The following PTPRT variants were observed in gnomAD, a reference collection of about 807,000 sequenced individuals.
PTPRT encodes protein tyrosine phosphatase receptor type T.
In PTPRT, 56 loss-of-function variants were observed where a neutral mutation model predicts 176.8. The observed-to-expected ratio is 0.32, with a 90% CI of 0.26 to 0.40. The LOEUF is 0.40. Among genes scored for constraint, PTPRT ranks in the 10% least tolerant of loss-of-function variants. The probability of loss-of-function intolerance (pLI) is 1.00; values close to 1 mark genes in which losing one functional copy is unlikely to be tolerated. For synonymous variants in PTPRT, 783 were observed against 739.0 expected, an observed-to-expected ratio of 1.06 and a Z score of -0.96; for missense variants, 1,540 against 1,908.2, an observed-to-expected ratio of 0.81 and a Z score of 3.60.
chr20:42,482,048 A>C (rs991988517), intron 7 of PTPRT, among the ~76,000 whole-genome samples: 2 of 152,136 alleles, frequency 1.3e-5, no homozygotes, highest in Non-Finnish European at 2.9e-5. Flanking sequence ...CCAACAATGT[A>C]ATATTTAGTC....
chr20:42,394,775 T>G (rs568809204), intron 9 of PTPRT, among the ~76,000 whole-genome samples: 25 of 152,282 alleles, frequency 1.6e-4, no homozygotes, highest in Non-Finnish European at 4.4e-5. Context: ...CATTGAATCA[T>G]TATTTGTTCA....
At chr20:42,813,979 C>T (rs2077739806) in intron 2 of PTPRT, among the ~76,000 whole-genome samples, 1 of 152,142 alleles carries the variant, frequency 6.6e-6, no homozygotes, top group South Asian at 2.1e-4. Flanking sequence ...TTTATACCCC[C>T]ATCCCGGCCC....
intron 7 of PTPRT, among the ~76,000 whole-genome samples, chr20:42,664,807 T>C (rs2075284549): frequency 6.6e-6 from 1 of 152,094 alleles, no homozygotes; most frequent in Admixed American, 6.5e-5. Flanking sequence ...TCTACAACTA[T>C]CTGATCTTTG....
chr20:42,409,131 G>A (rs2058988555), intron 9 of PTPRT, among the ~76,000 whole-genome samples: 1 of 152,106 alleles, frequency 6.6e-6, no homozygotes, highest in Admixed American at 6.5e-5. Context: ...TCCTGAAATA[G>A]TTATACCATT....
intron 6 of PTPRT, among the ~76,000 whole-genome samples, chr20:42,724,914 C>T (rs955674412): frequency 8.5e-5 from 13 of 152,114 alleles, no homozygotes; most frequent in African/African-American, 2.9e-4. Flanking sequence ...AATTTGCCCA[C>T]CTCAAAATCC....
intron 7 of PTPRT, among the ~76,000 whole-genome samples, chr20:42,588,515 T>C (rs912772629): frequency 6.6e-6 from 1 of 152,074 alleles, no homozygotes; most frequent in Non-Finnish European, 1.5e-5. Context: ...AGCTCTGCTA[T>C]AAGGAACACA....
chr20:42,075,433 T>A lies in PTPRT; in HGVS notation c.*5446A>T, dbSNP rs1407849686. 4.4e-6 allele frequency: 1 copy of A among 226,104 alleles called. No homozygotes were observed. The highest frequency in any genetic ancestry group is 2.2e-5 in the African/African-American group (1 of 44,974). The allele number at this position is 226,104 out of a possible 1,614,324, so 14.0% of individuals were successfully genotyped here. The stretch of plus-strand genomic sequence containing the variant: ...CTTAGGAACAGCGTCCTGTTCATGC[T>A]TCCTCTTGGGCTCACCCATGTCTTC... On this transcript the variant is annotated 3_prime_UTR_variant, in exon 31 of 31. Transcript: ENST00000373187.
At chr20:42,430,740 AG>A (rs1478490577) in intron 9 of PTPRT, among the ~76,000 whole-genome samples, 1 of 152,208 alleles carries the variant, frequency 6.6e-6, no homozygotes, top group Non-Finnish European at 1.5e-5. Flanking sequence ...ATGAGGCAAG[AG>A]TGTCTCCAGC....
At chr20:43,183,429 T>G (rs2015314986) in intron 1 of PTPRT, among the ~76,000 whole-genome samples, 1 of 152,198 alleles carries the variant, frequency 6.6e-6, no homozygotes, top group Non-Finnish European at 1.5e-5. Context: ...AGCACTGAAG[T>G]AACTTATCAA....
chr20:42,718,343 C>A (rs752116679), intron 6 of PTPRT, among the ~76,000 whole-genome samples: 16 of 152,140 alleles, frequency 1.1e-4, no homozygotes, highest in Non-Finnish European at 1.8e-4. Context: ...CAAGACCATA[C>A]TGGCTAACAC....
In PTPRT at chr20:42,617,326, C is replaced by CTGGATT. The variant is rs1447979022; in HGVS notation, c.1153+60534_1153+60539dup. 2.9e-5 allele frequency among the ~76,000 whole-genome samples: 4 copies of CTGGATT among 136,716 alleles called. 1 individual carries two copies. The highest frequency in any genetic ancestry group is 9.7e-5 in the African/African-American group (3 of 30,772). 89.7% of individuals were successfully genotyped at this position (136,716 alleles called of 152,430 possible). A position where few individuals can be genotyped will look rare whatever the true frequency, so the allele number is the denominator to read the frequency against. On this transcript the variant is annotated intron_variant, in intron 7 of 30. Coordinates refer to ENST00000373187, the MANE Select transcript of PTPRT (RefSeq NM_007050.6). Reference sequence around the variant, plus strand: ...GGTGGATAAGCTTTTTGATGTGCTGCTGGATTCGGTTTGCCAGTATTTTAT... The same window carrying CTGGATT: ...GGTGGATAAGCTTTTTGATGTGCTGCTGGATTTGGATTCGGTTTGCCAGTATTTTAT...
At chr20:42,417,320 C>A (rs905452179) in intron 9 of PTPRT, among the ~76,000 whole-genome samples, 3 of 152,112 alleles carry the variant, frequency 2.0e-5, no homozygotes, top group African/African-American at 7.2e-5. Context: ...ACCTGGCTTT[C>A]TTGGATTTTA....
intron 1 of PTPRT, among the ~76,000 whole-genome samples, chr20:43,001,609 G>C (rs1305728034): frequency 6.6e-6 from 1 of 151,724 alleles, no homozygotes; most frequent in East Asian, 1.9e-4. Flanking sequence ...ACATTTATCA[G>C]GAAGAAGACT....
intron 1 of PTPRT, among the ~76,000 whole-genome samples, chr20:42,925,403 G>C (rs1036596412): frequency 1.3e-5 from 2 of 152,144 alleles, no homozygotes; most frequent in South Asian, 4.1e-4. Flanking sequence ...TCTGACCCTA[G>C]AACATGGTTC....
intron 6 of PTPRT, among the ~76,000 whole-genome samples, chr20:42,711,968 A>G (rs1048293188): frequency 2.0e-5 from 3 of 151,970 alleles, no homozygotes; most frequent in African/African-American, 7.3e-5. Flanking sequence ...CACTGTGGAA[A>G]CTTCCCTCTG....
chr20:42,883,887 T>C (rs1186062831), intron 2 of PTPRT, among the ~76,000 whole-genome samples: 2 of 117,618 alleles, frequency 1.7e-5, no homozygotes, highest in Admixed American at 1.1e-4. Flanking sequence ...CATACACCAA[T>C]ACACCCCCAT....
chr20:42,863,683 A>G (rs544292812), intron 2 of PTPRT, among the ~76,000 whole-genome samples: 26 of 152,290 alleles, frequency 1.7e-4, no homozygotes, highest in African/African-American at 6.3e-4. Context: ...TTTTAGAGGG[A>G]TGTAAACTCC....
intron 6 of PTPRT, among the ~76,000 whole-genome samples, chr20:42,755,505 G>A (rs1218253351): frequency 2.0e-5 from 3 of 151,348 alleles, no homozygotes; most frequent in Admixed American, 6.6e-5. Flanking sequence ...AATTTTAATC[G>A]GCAAACATAA....
intron 1 of PTPRT, among the ~76,000 whole-genome samples, chr20:42,924,883 T>C (rs760427964): frequency 6.6e-6 from 1 of 152,200 alleles, no homozygotes; most frequent in Non-Finnish European, 1.5e-5. Flanking sequence ...ACGCAGATTC[T>C]TGGGCTGTGC....
Sources: allele counts gnomAD v4.1 joint callset (sites outside exome capture counted in the v4.1 genomes callset), GRCh38; gene constraint gnomAD v4.1.1; transcripts MANE v1.5; gene names NCBI Gene and HGNC (gene_info 2026-07-23, HGNC 2026-07-21).